Variants in SBF2 observed in about 807,000 individuals in gnomAD.
The protein encoded by SBF2 is myotubularin-related protein 13.
SBF2 carries 112 observed loss-of-function variants against 225.2 expected under a neutral mutation model. That is an observed-to-expected ratio of 0.50 (90% CI 0.43 to 0.58). The LOEUF is 0.58. Among genes scored for constraint, SBF2 ranks in the 20% least tolerant of loss-of-function variants. The pLI is 0.00. For synonymous variants in SBF2, 763 were observed against 773.3 expected, an observed-to-expected ratio of 0.99 and a Z score of 0.22; for missense variants, 1,996 against 2,206.2, an observed-to-expected ratio of 0.90 and a Z score of 1.91.
chr11:9,974,960 C>CAAAAAAAAAA lies in SBF2; in HGVS notation c.1396-6425_1396-6416dup, dbSNP rs1166081188. On this transcript the variant is annotated intron_variant, in intron 13 of 39. Transcript: ENST00000256190. Reference sequence around the variant, plus strand: ...GGGCAACAACAGCGAAACTTTGACTCAAAAAAAAAAAAAAAAAAAAAAAAA... The same window carrying CAAAAAAAAAA: ...GGGCAACAACAGCGAAACTTTGACTCAAAAAAAAAAAAAAAAAAAAAAAAAAAAAAAAAAA... Among the ~76,000 whole-genome samples the CAAAAAAAAAA allele has an allele frequency of 7.8e-3, 182 of 23,262 alleles. 35 individuals are homozygous for CAAAAAAAAAA. Among genetic ancestry groups the CAAAAAAAAAA allele is most frequent in the Non-Finnish European group, 0.012 (131 of 11,164 alleles). 15.3% of individuals were successfully genotyped at this position (23,262 alleles called of 152,430 possible).
At chr11:10,178,703 A>T (rs1262054736) in intron 2 of SBF2, among the ~76,000 whole-genome samples, 1 of 129,126 alleles carries the variant, frequency 7.7e-6, no homozygotes, top group Non-Finnish European at 1.7e-5. Context: ...AACAGGTGCT[A>T]GAGAGGATGT....
At chr11:9,814,073 T>C (rs1854335831) in intron 29 of SBF2, among the ~76,000 whole-genome samples, 1 of 152,220 alleles carries the variant, frequency 6.6e-6, no homozygotes, top group African/African-American at 2.4e-5. Context: ...CTTTAATCCT[T>C]ATGGAATTTA....
At chr11:10,081,922 A>G (rs1951383708) in intron 2 of SBF2, among the ~76,000 whole-genome samples, 1 of 152,098 alleles carries the variant, frequency 6.6e-6, no homozygotes, top group Non-Finnish European at 1.5e-5. Context: ...AAAATAAAAC[A>G]TAAAGGATCA....
intron 4 of SBF2, among the ~76,000 whole-genome samples, chr11:10,030,275 T>A (rs1299271448): frequency 1.3e-5 from 2 of 152,196 alleles, no homozygotes; most frequent in Non-Finnish European, 2.9e-5. Flanking sequence ...CAGAAAAATT[T>A]AACATGTGAA....
intron 16 of SBF2, among the ~76,000 whole-genome samples, chr11:9,946,037 A>C (rs545461305): frequency 8.8e-4 from 134 of 152,334 alleles, no homozygotes; most frequent in Middle Eastern, 6.8e-3. Flanking sequence ...TTTCTCAAAG[A>C]ACTTAAAACA....
intron 34 of SBF2, 92 bp downstream of exon 34, chr11:9,790,464 T>TA: frequency 2.6e-6 from 3 of 1,142,360 alleles, no homozygotes; most frequent in Non-Finnish European, 3.8e-6. Flanking sequence ...CCAATGTTTA[T>TA]AAAAAGCTTA....
intron 2 of SBF2, among the ~76,000 whole-genome samples, chr11:10,172,519 T>A (rs1252855802): frequency 6.6e-6 from 1 of 151,882 alleles, no homozygotes; most frequent in Non-Finnish European, 1.5e-5. Context: ...GCCCGGCTAA[T>A]TTTTTTATTT....
At chr11:10,076,809 C>T (rs1180952837) in intron 2 of SBF2, among the ~76,000 whole-genome samples, 1 of 152,204 alleles carries the variant, frequency 6.6e-6, no homozygotes, top group Non-Finnish European at 1.5e-5. Context: ...GCCCCAGGGG[C>T]CTGAGAACTG....
At chr11:10,048,044 T>G (rs1949933023) in intron 2 of SBF2, among the ~76,000 whole-genome samples, 1 of 152,142 alleles carries the variant, frequency 6.6e-6, no homozygotes, top group Non-Finnish European at 1.5e-5. Flanking sequence ...CTATTAATAC[T>G]AATCTGGTAA....
At chr11:10,077,941 G>GA (rs1405699827) in intron 2 of SBF2, among the ~76,000 whole-genome samples, 2 of 151,958 alleles carry the variant, frequency 1.3e-5, no homozygotes, top group South Asian at 2.1e-4. Context: ...AAATTTACAA[G>GA]AAAAAAACAA....
intron 1 of SBF2, among the ~76,000 whole-genome samples, chr11:10,258,212 C>T (rs1408980210): frequency 1.3e-5 from 2 of 151,932 alleles, no homozygotes; most frequent in Admixed American, 1.3e-4. Flanking sequence ...TTAAGCAATC[C>T]TCATGCCCCA....
chr11:9,835,662 T>G (rs1431485054), intron 26 of SBF2, among the ~76,000 whole-genome samples: 1 of 137,500 alleles, frequency 7.3e-6, no homozygotes, highest in African/African-American at 2.8e-5. Flanking sequence ...ACTACTATCC[T>G]GACTAACAAT....
chr11:10,136,553 C>T (rs962022511), intron 2 of SBF2, among the ~76,000 whole-genome samples: 9 of 152,120 alleles, frequency 5.9e-5, no homozygotes, highest in Admixed American at 3.9e-4. Flanking sequence ...GGAGAACAAA[C>T]AAATTATCAA....
chr11:9,874,907 T>C (rs900089608), intron 17 of SBF2, among the ~76,000 whole-genome samples: 1 of 152,252 alleles, frequency 6.6e-6, no homozygotes, highest in Non-Finnish European at 1.5e-5. Flanking sequence ...TAAAATGTTA[T>C]ATGAAGAGAA....
At chr11:9,799,714 C>A (rs760157144) in intron 32 of SBF2, among the ~76,000 whole-genome samples, 1 of 152,128 alleles carries the variant, frequency 6.6e-6, no homozygotes. Flanking sequence ...TGAACTCTTA[C>A]GGTGCTTAGA....
chr11:10,143,564 C>T (rs2135144478), intron 2 of SBF2, among the ~76,000 whole-genome samples: 1 of 152,222 alleles, frequency 6.6e-6, no homozygotes, highest in Admixed American at 6.5e-5. Context: ...TATACCTATA[C>T]TAAAACAGTA....
chr11:9,865,688 C>CAAAAAAAAAAAAA (rs1174863548), intron 17 of SBF2, among the ~76,000 whole-genome samples: 1 of 14,844 alleles, frequency 6.7e-5, no homozygotes, highest in Non-Finnish European at 1.1e-4. Context: ...AAAACTGTCT[C>CAAAAAAAAAAAAA]AAAAAAAAAA....
chr11:9,965,392 G>A (rs1441122478), intron 14 of SBF2, among the ~76,000 whole-genome samples: 1 of 148,570 alleles, frequency 6.7e-6, no homozygotes, highest in Non-Finnish European at 1.5e-5. Flanking sequence ...AGGTTCAAGT[G>A]ATTCTCCTGC....
intron 2 of SBF2, among the ~76,000 whole-genome samples, chr11:10,120,706 C>T (rs557951826): frequency 1.3e-4 from 20 of 152,286 alleles, no homozygotes; most frequent in African/African-American, 4.8e-4. Context: ...CTGCAACCTC[C>T]GCCTCCGGGT....
Sources: gnomAD v4.1 joint callset for allele counts (sites outside exome capture counted in the v4.1 genomes callset) on GRCh38, gnomAD v4.1.1 for gene constraint, MANE v1.5 for transcripts, NCBI Gene and HGNC (gene_info 2026-07-23, HGNC 2026-07-21) for gene names.